The following TMEM132D variants were observed in gnomAD, a reference collection of about 807,000 sequenced individuals.
The protein encoded by TMEM132D is mature OL transmembrane protein.
TMEM132D carries 21 observed loss-of-function variants against 62.3 expected under a neutral mutation model. The observed-to-expected ratio is 0.34, with a 90% CI of 0.24 to 0.49. TMEM132D has a LOEUF of 0.49. Among genes scored for constraint, TMEM132D ranks in the 20% least tolerant of loss-of-function variants. The pLI is 0.99. For missense variants in TMEM132D, 1,346 were observed against 1,402.8 expected, an observed-to-expected ratio of 0.96 and a Z score of 0.65; for synonymous variants, 621 against 575.6, an observed-to-expected ratio of 1.08 and a Z score of -1.13.
rs2135602371 is a variant in TMEM132D, at chr12:129,074,256, C to T, written c.2919G>A (p.Leu973=). 1.2e-6 allele frequency: 2 copies of T among 1,614,176 alleles called. No homozygotes were observed. Among genetic ancestry groups the T allele is most frequent in the Non-Finnish European group, 8.5e-7 (1 of 1,180,042 alleles). The part of the protein sequence containing the change: ...DWVGLSNRTE[L]LENHINFASS... ...AGGCAAAGTTGATGTGATTCTCCAACAGCTCTGTCCGGTTGCTTAACCCAA... is the reference window on the plus strand; with the variant it reads ...AGGCAAAGTTGATGTGATTCTCCAATAGCTCTGTCCGGTTGCTTAACCCAA... The change falls in exon 9 of 9, where the codon CTG becomes CTA. Residue 973 remains leucine, a synonymous_variant. Coordinates refer to ENST00000422113, the MANE Select transcript of TMEM132D (RefSeq NM_133448.3).
rs10633587 is a variant in TMEM132D, at chr12:129,422,095, TA to T, written c.1116-84279del. On this transcript the variant is annotated intron_variant, in intron 3 of 8. Coordinates refer to ENST00000422113, the MANE Select transcript of TMEM132D (RefSeq NM_133448.3). ...TTGCAATTAAACCATACAGCAATGT[TA>T]AAAAAAAAAAAAAAGCTTTTCTACT... is the stretch of plus-strand genomic sequence containing the variant. 1.5e-3 allele frequency among the ~76,000 whole-genome samples: 207 copies of T among 139,500 alleles called. 1 individual carries two copies. The highest frequency in any genetic ancestry group is 2.9e-3 in the East Asian group (14 of 4,784). The allele number at this position is 139,500 out of a possible 152,430, so 91.5% of individuals were successfully genotyped here.
rs1389768659 is a variant in TMEM132D at position 129,866,721 on chromosome 12, G to A, written c.79+36540C>T. ...ACGGCAAACAGTACGTAGGCTCTTC[G>A]AGATATTAAAAATAGAACTCCCATA... On this transcript the variant is annotated intron_variant, in intron 1 of 8. Transcript: ENST00000422113. 5.9e-5 allele frequency among the ~76,000 whole-genome samples: 9 copies of A among 152,018 alleles called. 1 individual carries two copies. Among genetic ancestry groups the A allele is most frequent in the Admixed American group, 1.3e-4 (2 of 15,254 alleles).
At chr12:129,670,707 C>G (rs1355517773) in intron 2 of TMEM132D, among the ~76,000 whole-genome samples, 1 of 152,172 alleles carries the variant, frequency 6.6e-6, no homozygotes, top group Non-Finnish European at 1.5e-5. Context: ...CTATTTCAAT[C>G]CCCCTGTCTT....
chr12:129,773,126 G>A (rs762700058), intron 1 of TMEM132D, among the ~76,000 whole-genome samples: 13 of 152,254 alleles, frequency 8.5e-5, no homozygotes, highest in Non-Finnish European at 1.6e-4. Context: ...CAAATGCCCT[G>A]TAGGCATTCC....
intron 3 of TMEM132D, among the ~76,000 whole-genome samples, chr12:129,440,655 A>G (rs76179202): frequency 0.15 from 22,412 of 152,028 alleles, 1,886 homozygotes; most frequent in South Asian, 0.3. Context: ...GTACCAACCC[A>G]TAGCTGAAGC....
At chr12:129,289,911 C>T (rs1426297134) in intron 4 of TMEM132D, among the ~76,000 whole-genome samples, 1 of 152,160 alleles carries the variant, frequency 6.6e-6, no homozygotes, top group Admixed American at 6.5e-5. Context: ...TTATTCTGGA[C>T]TGAGAGAGAC....
At chr12:129,441,121 G>T (rs1163886984) in intron 3 of TMEM132D, among the ~76,000 whole-genome samples, 1 of 152,140 alleles carries the variant, frequency 6.6e-6, no homozygotes, top group Admixed American at 6.6e-5. Flanking sequence ...GATGCTGGAT[G>T]TTCACTAAGA....
chr12:129,507,660 G>A (rs1263774520), intron 3 of TMEM132D, among the ~76,000 whole-genome samples: 1 of 152,126 alleles, frequency 6.6e-6, no homozygotes, highest in East Asian at 1.9e-4. Flanking sequence ...TAAGCTACTA[G>A]GATGCAAAAG....
chr12:129,312,572 T>C (rs1474182160), intron 4 of TMEM132D, among the ~76,000 whole-genome samples: 1 of 152,200 alleles, frequency 6.6e-6, no homozygotes, highest in Admixed American at 6.5e-5. Context: ...TTTGTTTGTT[T>C]TGTTTTTTGT....
intron 4 of TMEM132D, among the ~76,000 whole-genome samples, chr12:129,323,419 G>GAA (rs3045977): frequency 0.45 from 68,448 of 151,360 alleles, 16,112 homozygotes; most frequent in East Asian, 0.64. Context: ...AAAACAAACA[G>GAA]AAAAAAAATA....
intron 5 of TMEM132D, chr12:129,084,949 G>C (rs1312366553): frequency 1.8e-6 from 1 of 553,352 alleles, no homozygotes; most frequent in Non-Finnish European, 3.2e-6. Flanking sequence ...GGCTAGGTTG[G>C]TGGACTCCTC....
At chr12:129,458,160 A>C (rs923087540) in intron 3 of TMEM132D, among the ~76,000 whole-genome samples, 4 of 152,084 alleles carry the variant, frequency 2.6e-5, no homozygotes, top group African/African-American at 9.7e-5. Flanking sequence ...TGGTGCCCAC[A>C]TCTCTGTAAA....
intron 3 of TMEM132D, among the ~76,000 whole-genome samples, chr12:129,400,379 T>C (rs1871584438): frequency 6.6e-6 from 1 of 152,178 alleles, no homozygotes; most frequent in Non-Finnish European, 1.5e-5. Flanking sequence ...CAGCTAATTT[T>C]GTTCTTGTTG....
chr12:129,868,484 C>T (rs911159216), intron 1 of TMEM132D, among the ~76,000 whole-genome samples: 2 of 152,204 alleles, frequency 1.3e-5, no homozygotes, highest in Admixed American at 1.3e-4. Context: ...AGCCATATTA[C>T]AGCCTCCAGC....
chr12:129,491,003 A>G (rs1006764366), intron 3 of TMEM132D, among the ~76,000 whole-genome samples: 1 of 152,088 alleles, frequency 6.6e-6, no homozygotes, highest in Admixed American at 6.5e-5. Context: ...TAATGACACC[A>G]GCTTTATGGC....
chr12:129,493,759 C>T (rs919056105), intron 3 of TMEM132D, among the ~76,000 whole-genome samples: 2 of 152,100 alleles, frequency 1.3e-5, no homozygotes, highest in East Asian at 1.9e-4. Flanking sequence ...GCTGAGACAC[C>T]GATTAATCTG....
At chr12:129,880,572 A>C (rs1212581404) in intron 1 of TMEM132D, among the ~76,000 whole-genome samples, 4 of 152,246 alleles carry the variant, frequency 2.6e-5, no homozygotes, top group Non-Finnish European at 5.9e-5. Flanking sequence ...AAATGGCATC[A>C]GTAAAACCAA....
At chr12:129,265,095 T>C (rs909165257) in intron 4 of TMEM132D, among the ~76,000 whole-genome samples, 4 of 152,120 alleles carry the variant, frequency 2.6e-5, no homozygotes, top group African/African-American at 9.7e-5. Context: ...AACTTTTCTT[T>C]CATAATGGTT....
At chr12:129,654,481 G>C (rs913985675) in intron 2 of TMEM132D, among the ~76,000 whole-genome samples, 7 of 152,104 alleles carry the variant, frequency 4.6e-5, no homozygotes, top group Non-Finnish European at 1.0e-4. Context: ...CATGAAAAGA[G>C]TAAGATTTTC....
Sources: gnomAD v4.1 joint callset for allele counts (sites outside exome capture counted in the v4.1 genomes callset) on GRCh38, gnomAD v4.1.1 for gene constraint, MANE v1.5 for transcripts, NCBI Gene and HGNC (gene_info 2026-07-23, HGNC 2026-07-21) for gene names.